The following GLRA3 variants were observed in gnomAD, a reference collection of about 807,000 sequenced individuals.
The protein encoded by GLRA3 is glycine receptor subunit alpha-3.
Under a neutral mutation model 60.4 loss-of-function variants are expected in GLRA3, and 44 were observed. That is an observed-to-expected ratio of 0.73 (90% CI 0.57 to 0.94). GLRA3 has a LOEUF of 0.94. Among genes scored for constraint, GLRA3 ranks in the 40% least tolerant of loss-of-function variants. GLRA3 has a pLI of 0.00. For synonymous variants in GLRA3, 223 were observed against 192.9 expected, an observed-to-expected ratio of 1.16 and a Z score of -1.29; for missense variants, 508 against 564.6, an observed-to-expected ratio of 0.90 and a Z score of 1.02.
chr4:174,672,631 C>T (rs1190013153), intron 7 of GLRA3, among the ~76,000 whole-genome samples: 1 of 152,120 alleles, frequency 6.6e-6, no homozygotes, highest in African/African-American at 2.4e-5. Context: ...CTGAAACCCA[C>T]TCCACAGCCT....
intron 5 of GLRA3, among the ~76,000 whole-genome samples, chr4:174,683,176 C>A (rs1433528427): frequency 2.0e-5 from 3 of 152,042 alleles, no homozygotes; most frequent in Non-Finnish European, 4.4e-5. Context: ...AAAAGTATAC[C>A]ATGGCATGTC....
At chr4:174,665,420 A>C (rs1272829448) in intron 7 of GLRA3, among the ~76,000 whole-genome samples, 2 of 151,946 alleles carry the variant, frequency 1.3e-5, no homozygotes, top group African/African-American at 4.8e-5. Context: ...CACTCATTAC[A>C]ACAATAATTA....
At chr4:174,689,022 G>T (rs1734675966) in intron 5 of GLRA3, among the ~76,000 whole-genome samples, 1 of 152,166 alleles carries the variant, frequency 6.6e-6, no homozygotes, top group African/African-American at 2.4e-5. Flanking sequence ...AGCAGAGGCT[G>T]GGAAATCATT....
intron 2 of GLRA3, among the ~76,000 whole-genome samples, chr4:174,779,117 G>A (rs1209649005): frequency 1.3e-5 from 2 of 152,194 alleles, no homozygotes; most frequent in Non-Finnish European, 2.9e-5. Context: ...CACGCAGCTG[G>A]AGATCTGAGA....
chr4:174,687,476 C>T (rs553463372), intron 5 of GLRA3, among the ~76,000 whole-genome samples: 5 of 151,870 alleles, frequency 3.3e-5, no homozygotes, highest in South Asian at 2.1e-4. Flanking sequence ...TTGGGGTTTT[C>T]GTGAAATACT....
At chr4:174,778,953 C>A (rs1171823571) in intron 2 of GLRA3, among the ~76,000 whole-genome samples, 1 of 152,214 alleles carries the variant, frequency 6.6e-6, no homozygotes, top group African/African-American at 2.4e-5. Flanking sequence ...GAAGCTCCAA[C>A]TGGGTGGAGC....
At chr4:174,795,949 A>G (rs1739549068) in intron 1 of GLRA3, among the ~76,000 whole-genome samples, 1 of 152,222 alleles carries the variant, frequency 6.6e-6, no homozygotes, top group Admixed American at 6.5e-5. Flanking sequence ...ATTGATGCCT[A>G]TAAAATGAGA....
At chr4:174,683,136 A>C (rs116025906) in intron 5 of GLRA3, among the ~76,000 whole-genome samples, 197 bp from the exon 6 acceptor site, 1 of 152,322 alleles carries the variant, frequency 6.6e-6, no homozygotes, top group East Asian at 1.9e-4. Flanking sequence ...ACTCCCACCA[A>C]ATAATATGAG....
chr4:174,644,380 T>C (rs1732733061), intron 9 of GLRA3, among the ~76,000 whole-genome samples: 1 of 151,316 alleles, frequency 6.6e-6, no homozygotes, highest in Non-Finnish European at 1.5e-5. Flanking sequence ...TAAAATCTAT[T>C]GTGTTATATA....
intron 9 of GLRA3, among the ~76,000 whole-genome samples, chr4:174,654,800 C>A (rs983426567): frequency 1.3e-5 from 2 of 151,912 alleles, no homozygotes; most frequent in African/African-American, 4.8e-5. Context: ...CACACACAAG[C>A]ACACACACAC....
chr4:174,702,124 C>T (rs1206335555), intron 5 of GLRA3, among the ~76,000 whole-genome samples: 2 of 152,102 alleles, frequency 1.3e-5, no homozygotes, highest in Non-Finnish European at 2.9e-5. Context: ...GGAAGAGTCA[C>T]TCAATGAAGC....
chr4:174,647,891 A>C (rs1732886517), intron 9 of GLRA3, among the ~76,000 whole-genome samples: 1 of 152,214 alleles, frequency 6.6e-6, no homozygotes, highest in Non-Finnish European at 1.5e-5. Context: ...CTCAATAACC[A>C]CATGAGGCTA....
At chr4:174,782,474 T>A (rs370340982) in intron 2 of GLRA3, among the ~76,000 whole-genome samples, 1 of 148,372 alleles carries the variant, frequency 6.7e-6, no homozygotes, top group South Asian at 2.2e-4. Flanking sequence ...CCAGGGAAAT[T>A]AGGCAGGAGA....
intron 7 of GLRA3, among the ~76,000 whole-genome samples, chr4:174,661,254 A>T (rs894507840): frequency 6.6e-6 from 1 of 152,040 alleles, no homozygotes; most frequent in African/African-American, 2.4e-5. Context: ...CTATCCATCA[A>T]ACATGAGCTT....
intron 7 of GLRA3, among the ~76,000 whole-genome samples, chr4:174,667,702 T>G (rs1733734492): frequency 6.6e-6 from 1 of 152,116 alleles, no homozygotes; most frequent in African/African-American, 2.4e-5. Context: ...TGAGAATAAG[T>G]TTGTTTGGAC....
At chr4:174,768,943 G>C (rs1027429506) in intron 2 of GLRA3, among the ~76,000 whole-genome samples, 5 of 152,100 alleles carry the variant, frequency 3.3e-5, no homozygotes, top group Non-Finnish European at 7.4e-5. Flanking sequence ...ATGTAAGTTA[G>C]TCGGAGAACA....
At chr4:174,687,097 G>A (rs1734577821) in intron 5 of GLRA3, among the ~76,000 whole-genome samples, 1 of 152,126 alleles carries the variant, frequency 6.6e-6, no homozygotes, top group African/African-American at 2.4e-5. Context: ...AAAAACAATG[G>A]TGGGTAAAAC....
At chr4:174,768,279 C>T (rs1738234874) in intron 2 of GLRA3, among the ~76,000 whole-genome samples, 1 of 152,112 alleles carries the variant, frequency 6.6e-6, no homozygotes, top group Non-Finnish European at 1.5e-5. Context: ...TACAGAAATT[C>T]ATCAGTTTTT....
At chr4:174,759,228 T>C (rs1737846123) in intron 3 of GLRA3, among the ~76,000 whole-genome samples, 1 of 152,076 alleles carries the variant, frequency 6.6e-6, no homozygotes, top group Non-Finnish European at 1.5e-5. Flanking sequence ...GGTGTAATTA[T>C]ATGAAGAAAT....
Sources: allele counts gnomAD v4.1 joint callset (sites outside exome capture counted in the v4.1 genomes callset), GRCh38; gene constraint gnomAD v4.1.1; transcripts MANE v1.5; gene names NCBI Gene and HGNC (gene_info 2026-07-23, HGNC 2026-07-21).